Variants in CHD6 observed in about 807,000 individuals in gnomAD.
CHD6 encodes ATP-dependent chromatin remodeler CHD6.
CHD6 carries 50 observed loss-of-function variants against 276.9 expected under a neutral mutation model. The ratio of observed to expected loss-of-function variants is 0.18; its 90% confidence interval spans 0.14 to 0.23. The LOEUF is 0.23. CHD6 is among the 10% of genes least tolerant of loss of function. The pLI, the probability that CHD6 is intolerant of heterozygous loss-of-function variation, is 1.00. For synonymous variants in CHD6, 1,173 were observed against 1,229.3 expected, an observed-to-expected ratio of 0.95 and a Z score of 0.96; for missense variants, 2,564 against 3,365.8, an observed-to-expected ratio of 0.76 and a Z score of 5.89.
chr20:41,597,403 G>A (rs1270597382), intron 1 of CHD6, among the ~76,000 whole-genome samples: 1 of 152,104 alleles, frequency 6.6e-6, no homozygotes, highest in African/African-American at 2.4e-5. Flanking sequence ...CTATGTATTT[G>A]GTCTGTCTTC....
chr20:41,612,261 G>A (rs1038186108), intron 1 of CHD6, among the ~76,000 whole-genome samples: 3 of 152,192 alleles, frequency 2.0e-5, no homozygotes, highest in Non-Finnish European at 4.4e-5. Flanking sequence ...TCAGTAGCCT[G>A]ATTCACAAGA....
rs920072005 is a variant in CHD6 at position 41,522,671 on chromosome 20, CATAA to C, written c.555-7723_555-7720del. Among the ~76,000 whole-genome samples, 21 of 151,818 alleles carry C rather than the reference CATAA, an allele frequency of 1.4e-4. 1 individual carries two copies. Among genetic ancestry groups the C allele is most frequent in the African/African-American group, 4.8e-4 (20 of 41,496 alleles). ...GCACGCGTGCGCGCACACACACATA[CATAA>C]ATAGATATTTATTGAAATAAGTTTA... On this transcript the variant is annotated intron_variant, in intron 3 of 36. Transcript: ENST00000373233.
At chr20:41,455,759 T>TC (rs771067120) in intron 19 of CHD6, 41 bp downstream of exon 19, 8 of 1,331,948 alleles carry the variant, frequency 6.0e-6, no homozygotes, top group Admixed American at 5.4e-5. Flanking sequence ...CATTTTTTTT[T>TC]CTCTCCCACC....
intron 5 of CHD6, among the ~76,000 whole-genome samples, chr20:41,500,443 C>T (rs1188004507): frequency 6.6e-6 from 1 of 151,988 alleles, no homozygotes; most frequent in Non-Finnish European, 1.5e-5. Flanking sequence ...GCAGATGTTC[C>T]CAAAGGTTAC....
At chr20:41,595,458 CAAG>C (rs2045708087) in intron 1 of CHD6, among the ~76,000 whole-genome samples, 1 of 152,030 alleles carries the variant, frequency 6.6e-6, no homozygotes, top group African/African-American at 2.4e-5. Flanking sequence ...GGAAGCGGCC[CAAG>C]AAGGATGAAG....
At chr20:41,519,377 C>T (rs780483059) in intron 3 of CHD6, among the ~76,000 whole-genome samples, 1 of 152,146 alleles carries the variant, frequency 6.6e-6, no homozygotes, top group Non-Finnish European at 1.5e-5. Context: ...AATCTACTTA[C>T]AGGAATGTAA....
intron 33 of CHD6, 79 bp from the exon 34 acceptor site, chr20:41,415,717 TC>T: frequency 9.6e-7 from 1 of 1,045,814 alleles, no homozygotes; most frequent in Non-Finnish European, 1.4e-6. Flanking sequence ...AGGCCTGATT[TC>T]CCTAGGCCTC....
At chr20:41,506,765 A>C (rs770379042) in intron 5 of CHD6, among the ~76,000 whole-genome samples, 1 of 152,162 alleles carries the variant, frequency 6.6e-6, no homozygotes, top group Non-Finnish European at 1.5e-5. Context: ...CCAGTTGTGA[A>C]TTTGTTGCAA....
chr20:41,445,534 A>G (rs2048038289), intron 25 of CHD6, 131 bp downstream of exon 25: 5 of 615,674 alleles, frequency 8.1e-6, no homozygotes, highest in African/African-American at 3.7e-5. Context: ...GTGAAGCTCT[A>G]CTTTTTAAGA....
intron 13 of CHD6, 87 bp downstream of exon 13, chr20:41,488,341 T>G: frequency 8.4e-7 from 1 of 1,190,648 alleles, no homozygotes; most frequent in South Asian, 1.6e-5. Context: ...TAGGCAGAAA[T>G]AAGTTACATG....
chr20:41,552,920 C>T (rs969825103), intron 1 of CHD6, among the ~76,000 whole-genome samples: 1 of 152,116 alleles, frequency 6.6e-6, no homozygotes, highest in Non-Finnish European at 1.5e-5. Flanking sequence ...GTAAATGGTG[C>T]TTCTAAGAAT....
chr20:41,616,796 G>A (rs993504947), intron 1 of CHD6, among the ~76,000 whole-genome samples: 5 of 152,100 alleles, frequency 3.3e-5, no homozygotes, highest in African/African-American at 1.2e-4. Flanking sequence ...TCTGTTGCCA[G>A]AGAGCCATAA....
chr20:41,488,009 G>A (rs537078968), intron 13 of CHD6, among the ~76,000 whole-genome samples: 5 of 152,208 alleles, frequency 3.3e-5, no homozygotes, highest in South Asian at 2.1e-4. Flanking sequence ...CCAGCAGCAC[G>A]TTCATGTTAA....
intron 16 of CHD6, among the ~76,000 whole-genome samples, chr20:41,479,485 G>A (rs903438140): frequency 5.9e-5 from 9 of 152,168 alleles, no homozygotes; most frequent in South Asian, 2.1e-4. Flanking sequence ...AAGAAACCAC[G>A]GGGACCAGGG....
intron 2 of CHD6, among the ~76,000 whole-genome samples, chr20:41,538,914 C>T (rs575751695): frequency 1.3e-5 from 2 of 152,124 alleles, no homozygotes; most frequent in Admixed American, 1.3e-4. Context: ...AGATATCTGC[C>T]TTTTACAACT....
In CHD6 at chr20:41,452,683, A is replaced by T. The variant is rs1205612058; in HGVS notation, c.3323+57T>A. ...CATCCTAGACAAATCTCAGGGACTG[A>T]AAAACAGAGGGGAACAAACAACAAT... On this transcript the variant is annotated intron_variant, in intron 21 of 36. Coordinates refer to ENST00000373233, the MANE Select transcript of CHD6 (RefSeq NM_032221.5). The surrounding 1 kb of genome is among the most constrained non-coding windows in gnomAD (Gnocchi z 4.2). 18 of 1,510,316 alleles carry T rather than the reference A, an allele frequency of 1.2e-5. No individual in the cohort carries two copies. Among genetic ancestry groups the T allele is most frequent in the Admixed American group, 1.8e-5 (1 of 56,852 alleles). The allele number at this position is 1,510,316 out of a possible 1,614,324, so 93.6% of individuals were successfully genotyped here.
intron 2 of CHD6, among the ~76,000 whole-genome samples, chr20:41,537,911 G>A (rs1005595517): frequency 1.3e-5 from 2 of 152,104 alleles, no homozygotes; most frequent in South Asian, 2.1e-4. Flanking sequence ...TTGAAAACAG[G>A]TGTTTAAACA....
At chr20:41,578,980 A>G (rs1411689856) in intron 1 of CHD6, among the ~76,000 whole-genome samples, 6 of 151,178 alleles carry the variant, frequency 4.0e-5, no homozygotes, top group Non-Finnish European at 8.8e-5. Context: ...AAATATAAAA[A>G]TTAGCTGGGT....
chr20:41,492,033 C>G (rs2043568574), intron 10 of CHD6, among the ~76,000 whole-genome samples: 1 of 152,160 alleles, frequency 6.6e-6, no homozygotes, highest in Non-Finnish European at 1.5e-5. Flanking sequence ...TAATAACTTA[C>G]AATTAGCTTC....
Sources: gnomAD v4.1 joint callset for allele counts (sites outside exome capture counted in the v4.1 genomes callset) on GRCh38, gnomAD v4.1.1 for gene constraint, Gnocchi (gnomAD v3.1) non-coding constraint, MANE v1.5 for transcripts, NCBI Gene and HGNC (gene_info 2026-07-23, HGNC 2026-07-21) for gene names.